C1GALT1: variants seen among roughly 807,000 people sequenced by gnomAD.
C1GALT1 encodes the protein glycoprotein-N-acetylgalactosamine 3-beta-galactosyltransferase 1.
Under a neutral mutation model 31.0 loss-of-function variants are expected in C1GALT1, and 11 were observed. That is an observed-to-expected ratio of 0.36 (90% confidence interval 0.22 to 0.59). The LOEUF is 0.59. Among genes scored for constraint, C1GALT1 ranks in the 20% least tolerant of loss-of-function variants. C1GALT1 has a pLI of 0.79. For synonymous variants in C1GALT1, 175 were observed against 143.6 expected (o/e 1.22, Z -1.56); for missense variants, 424 against 425.2 (o/e 1.00, Z 0.03).
In C1GALT1 at chr7:7,247,805, T is replaced by A. The variant is rs200695618; in HGVS notation, c.*4078T>A. The A allele has an allele frequency of 6.6e-6, 1 of 152,070 alleles. No individual in the cohort carries two copies. Among genetic ancestry groups the A allele is most frequent in the East Asian group, 1.9e-4 (1 of 5,200 alleles). The allele number at this position is 152,070 out of a possible 1,614,324, so 9.4% of individuals were successfully genotyped here. A position where few individuals can be genotyped will look rare whatever the true frequency, so the allele number is the denominator to read the frequency against. ...GCCTTCACAAGGTTAATTTGGCTGTTAATAGTGATTAGAATTTTTATCACT... is the reference window on the plus strand; with the variant it reads ...GCCTTCACAAGGTTAATTTGGCTGTAAATAGTGATTAGAATTTTTATCACT... On this transcript the variant is annotated 3_prime_UTR_variant, in exon 4 of 4. Transcript: ENST00000436587.
Position 7,234,359 on chromosome 7 carries a change from T to G in C1GALT1, c.40T>G (p.Cys14Gly). ...CTGGCTGAATTTTTTAACCTTCCTC[T>G]GTGGATCAGCAATAGGATTTCTTTT... ...KSWLNFLTFL[C>G]GSAIGFLLCS... The change falls in exon 2 of 4, where the codon TGT becomes GGT. Residue 14 changes from cysteine to glycine, a missense_variant. By Grantham distance (159) the Cys-to-Gly change is radical. Around this residue, in one of 3 missense-constraint regions of C1GALT1, gnomAD observed 189 missense variants for 158.2 expected, o/e 1.19. Transcript: ENST00000436587. The G allele has an allele frequency of 6.2e-7, 1 of 1,614,024 alleles. No individual in the cohort carries two copies. The highest frequency in any genetic ancestry group is 8.5e-7 in the Non-Finnish European group (1 of 1,179,960).
rs1029978558 is a variant in C1GALT1 at position 7,214,099 on chromosome 7, G to C, written c.-17-20204G>C. On this transcript the variant is annotated intron_variant, in intron 1 of 3. Transcript: ENST00000436587. The stretch of plus-strand genomic sequence containing the variant: ...ATCCCTACAGTGTATTTTCTACTTA[G>C]TTATTACACACCAAAGCTTTTCATA... Among the ~76,000 whole-genome samples, 3 of 152,056 alleles carry C rather than the reference G, an allele frequency of 2.0e-5. No individual in the cohort carries two copies. In the East Asian group the frequency reaches 5.8e-4, roughly 29 times the overall value.
chr7:7,234,257 A>G (rs1783231150), intron 1 of C1GALT1, 46 bp from the exon 2 acceptor site: 1 of 1,421,336 alleles, frequency 7.0e-7, no homozygotes, highest in Non-Finnish European at 9.8e-7. Context: ...CCGGTTATGT[A>G]TACAGCTTTG....
intron 2 of C1GALT1, chr7:7,235,028 A>AT (rs1385011550): frequency 6.6e-6 from 1 of 152,394 alleles, no homozygotes; most frequent in Non-Finnish European, 1.5e-5. Context: ...TAAAGACTTC[A>AT]TTTTCTCCTA....
chr7:7,162,923 A>T (rs1219965937), intron 2 of C1GALT1, among the ~76,000 whole-genome samples: 1 of 152,148 alleles, frequency 6.6e-6, no homozygotes, highest in Non-Finnish European at 1.5e-5. Context: ...TCTTTTGAGA[A>T]GTGTCTGTTC....
At chr7:7,179,010 T>C (rs1433213923), upstream of C1GALT1, among the ~76,000 whole-genome samples, 1 of 152,236 alleles carries the variant, frequency 6.6e-6, no homozygotes, top group Non-Finnish European at 1.5e-5. Context: ...TTTGAAGGCC[T>C]GAAGGGTTGG....
chr7:7,184,391 A>G (rs1460785740), intron 1 of C1GALT1, among the ~76,000 whole-genome samples: 7 of 152,316 alleles, frequency 4.6e-5, no homozygotes, highest in Non-Finnish European at 8.8e-5. Flanking sequence ...CATTTTAGAA[A>G]TATTTTGTGT....
Position 7,182,653 on chromosome 7 carries a change from GC to G in C1GALT1, c.-183del. 1 of 323,912 alleles carries G rather than the reference GC, an allele frequency of 3.1e-6. No individual in the cohort carries two copies. The allele number at this position is 323,912 out of a possible 1,614,324, so 20.1% of individuals were successfully genotyped here. On this transcript the variant is annotated 5_prime_UTR_variant, in exon 1 of 4. Transcript: ENST00000436587. ...GCGCGCTGGGCCCGCCTTGGCCGCC[GC>G]CGCTGTGCTGCCGCTGCCGGGGAAT...
intron 1 of C1GALT1, among the ~76,000 whole-genome samples, chr7:7,219,948 A>G (rs1178379831): frequency 6.6e-6 from 1 of 152,214 alleles, no homozygotes; most frequent in Non-Finnish European, 1.5e-5. Context: ...TAGTGGGTAT[A>G]TCTTAATTTA....
chr7:7,228,662 A>C (rs1321484519), intron 1 of C1GALT1, among the ~76,000 whole-genome samples: 1 of 152,206 alleles, frequency 6.6e-6, no homozygotes, highest in Non-Finnish European at 1.5e-5. Context: ...AGTCCTTTAA[A>C]TTGGAAGGGA....
intron 3 of C1GALT1, among the ~76,000 whole-genome samples, chr7:7,242,606 A>G: frequency 6.6e-6 from 1 of 152,066 alleles, no homozygotes; most frequent in Non-Finnish European, 1.5e-5. Context: ...AGTCACCTGG[A>G]TGACACCAAC....
At chr7:7,159,442 G>A (rs1343405274) in intron 2 of C1GALT1, among the ~76,000 whole-genome samples, 3 of 152,018 alleles carry the variant, frequency 2.0e-5, no homozygotes, top group Non-Finnish European at 4.4e-5. Flanking sequence ...AGGAGGGGGA[G>A]GAGGAAATAG....
chr7:7,229,089 CCTTCCT>C (rs1782940905), intron 1 of C1GALT1, among the ~76,000 whole-genome samples: 1 of 152,172 alleles, frequency 6.6e-6, no homozygotes, highest in Non-Finnish European at 1.5e-5. Flanking sequence ...GTCCTGCAGT[CCTTCCT>C]CTTCTCAGTC....
In C1GALT1 at chr7:7,238,640, A is replaced by T. The variant is rs762238284; in HGVS notation, c.606A>T (p.Val202=). The T allele has an allele frequency of 6.2e-7, 1 of 1,614,148 alleles. No individual in the cohort carries two copies. The highest frequency in any genetic ancestry group is 2.2e-5 in the East Asian group (1 of 44,876). The change falls in exon 3 of 4, where the codon GTA becomes GTT. Residue 202 remains valine (V), a synonymous_variant. Coordinates refer to ENST00000436587, the MANE Select transcript of C1GALT1 (RefSeq NM_020156.5). The surrounding 1 kb of genome is among the most constrained non-coding windows in gnomAD (Gnocchi z 5.2). ...IYFGRRFKPY[V]KQGYMSGGAG... is the part of the protein sequence containing the mutation. ...TTGGGAGAAGATTTAAGCCTTATGT[A>T]AAGCAGGGCTACATGAGTGGAGGAG... is the stretch of plus-strand genomic sequence containing the variant.
At chr7:7,183,500 AAT>A in intron 1 of C1GALT1, 1 of 792,484 alleles carries the variant, frequency 1.3e-6, no homozygotes, top group Non-Finnish European at 1.5e-6. Flanking sequence ...AAAGGCATTA[AAT>A]TTTTTTTTTT....
chr7:7,190,546 CTG>C (rs1781023574), intron 1 of C1GALT1, among the ~76,000 whole-genome samples: 1 of 152,090 alleles, frequency 6.6e-6, no homozygotes, highest in Non-Finnish European at 1.5e-5. Flanking sequence ...TTTAAACAGA[CTG>C]AGAGTTTGTT....
intron 2 of C1GALT1, among the ~76,000 whole-genome samples, chr7:7,235,545 A>G (rs1394491139): frequency 6.6e-6 from 1 of 152,196 alleles, no homozygotes; most frequent in African/African-American, 2.4e-5. Flanking sequence ...GCATAGCCAC[A>G]TGTCTTTAGG....
Position 7,248,003 on chromosome 7 carries a change from CT to C in C1GALT1, c.*4277del, listed in dbSNP as rs1382876077. The C allele has an allele frequency of 6.6e-6, 1 of 151,988 alleles. No homozygotes were observed. The highest frequency in any genetic ancestry group is 2.4e-5 in the African/African-American group (1 of 41,418). The allele number at this position is 151,988 out of a possible 1,614,324, so 9.4% of individuals were successfully genotyped here. On this transcript the variant is annotated 3_prime_UTR_variant, in exon 4 of 4. Coordinates refer to ENST00000436587, the MANE Select transcript of C1GALT1 (RefSeq NM_020156.5). The stretch of plus-strand genomic sequence containing the variant: ...AAGTAAAGTTATTTGGGTTCTTCCA[CT>C]CACCCTTTTCTCAAAAACAACAACA...
At chr7:7,229,386 C>T (rs1583820624) in intron 1 of C1GALT1, among the ~76,000 whole-genome samples, 2 of 152,128 alleles carry the variant, frequency 1.3e-5, no homozygotes, top group African/African-American at 2.4e-5. Flanking sequence ...CTGCTTCAAT[C>T]GTATTCTGCT....
Sources: gnomAD v4.1 joint callset for allele counts (sites outside exome capture counted in the v4.1 genomes callset) on GRCh38, gnomAD v4.1.1 for gene constraint, gnomAD v4.1.1 regional missense constraint, Gnocchi (gnomAD v3.1) non-coding constraint, MANE v1.5 for transcripts, NCBI Gene and HGNC (gene_info 2026-07-23, HGNC 2026-07-21) for gene names.